Variants in ZFAT observed in about 807,000 individuals in gnomAD.
ZFAT encodes the protein zinc finger and AT-hook domain containing.
ZFAT carries 64 observed loss-of-function variants against 117.7 expected under a neutral mutation model. That is an observed-to-expected ratio of 0.54 (90% CI 0.44 to 0.67). The LOEUF (loss-of-function observed/expected upper bound fraction) is 0.67, where lower values mean the gene tolerates loss of function less well. ZFAT is among the 30% of genes least tolerant of loss of function. The pLI, the probability that ZFAT is intolerant of heterozygous loss-of-function variation, is 0.00. For missense variants in ZFAT, 1,433 were observed against 1,584.5 expected, an observed-to-expected ratio of 0.90 and a Z score of 1.62; for synonymous variants, 679 against 615.0, an observed-to-expected ratio of 1.10 and a Z score of -1.54.
upstream of ZFAT, among the ~76,000 whole-genome samples, chr8:134,715,956 G>A (rs1266620684): frequency 1.3e-5 from 2 of 152,008 alleles, no homozygotes; most frequent in Admixed American, 1.3e-4. Context: ...GATACATACA[G>A]GCGACCTCAA....
At chr8:134,514,722 A>T (rs1820123846) in intron 13 of ZFAT, among the ~76,000 whole-genome samples, 1 of 152,232 alleles carries the variant, frequency 6.6e-6, no homozygotes, top group Admixed American at 6.5e-5. Flanking sequence ...TTATAAAAAA[A>T]TTTTCAATAC....
chr8:134,824,285 A>G, the ZFAT span, among the ~76,000 whole-genome samples: 1 of 152,240 alleles, frequency 6.6e-6, no homozygotes, highest in African/African-American at 2.4e-5. Flanking sequence ...GTTTACATGG[A>G]AAGGAAAAAG....
At chr8:134,616,068 C>A (rs1828710317) in intron 3 of ZFAT, among the ~76,000 whole-genome samples, 1 of 152,126 alleles carries the variant, frequency 6.6e-6, no homozygotes, top group African/African-American at 2.4e-5. Flanking sequence ...GCATGGAGAC[C>A]CAGACGCCAC....
intron 1 of ZFAT, among the ~76,000 whole-genome samples, chr8:134,658,066 G>A (rs561356132): frequency 7.9e-5 from 12 of 152,316 alleles, no homozygotes; most frequent in South Asian, 6.2e-4. Flanking sequence ...GGCCGGGCGC[G>A]GTGGCGCACG....
chr8:134,712,130 C>T (rs112155230), intron 1 of ZFAT, among the ~76,000 whole-genome samples: 185 of 152,308 alleles, frequency 1.2e-3, no homozygotes, highest in African/African-American at 4.3e-3. Flanking sequence ...CAGGCGAGCA[C>T]GCAGGAGTTT....
At chr8:134,811,780 C>T in the ZFAT span, among the ~76,000 whole-genome samples, 1 of 152,200 alleles carries the variant, frequency 6.6e-6, no homozygotes, top group Non-Finnish European at 1.5e-5. Flanking sequence ...TACAGTCTGA[C>T]AGAACTAGGC....
At chr8:134,659,102 C>T (rs1831799606) in intron 1 of ZFAT, among the ~76,000 whole-genome samples, 1 of 152,210 alleles carries the variant, frequency 6.6e-6, no homozygotes, top group South Asian at 2.1e-4. Context: ...ACTTCTACGC[C>T]ATTTACTGCC....
chr8:134,611,412 G>A (rs756615881), intron 3 of ZFAT, among the ~76,000 whole-genome samples: 6 of 152,364 alleles, frequency 3.9e-5, no homozygotes, highest in South Asian at 2.1e-4. Context: ...CAAGTATCCC[G>A]TGTGGTGACA....
the ZFAT span, among the ~76,000 whole-genome samples, chr8:134,781,166 C>T: frequency 6.6e-6 from 1 of 152,058 alleles, no homozygotes; most frequent in African/African-American, 2.4e-5. Flanking sequence ...TGCTCTGTTG[C>T]CCAGGCTAGA....
intron 7 of ZFAT, 57 bp downstream of exon 7, chr8:134,600,379 T>G: frequency 2.0e-6 from 3 of 1,471,144 alleles, no homozygotes; most frequent in Non-Finnish European, 2.9e-6. Context: ...AGCATAAACT[T>G]GAGAAAGCAA....
At chr8:134,584,081 T>C (rs1825897541) in intron 9 of ZFAT, 76 bp from the exon 10 acceptor site, 1 of 1,393,366 alleles carries the variant, frequency 7.2e-7, no homozygotes, top group Non-Finnish European at 9.7e-7. Context: ...AAGGAATATA[T>C]ATATCCATAT....
upstream of ZFAT, among the ~76,000 whole-genome samples, chr8:134,717,112 TA>T (rs1199436777): frequency 6.6e-6 from 1 of 152,174 alleles, no homozygotes; most frequent in Non-Finnish European, 1.5e-5. Flanking sequence ...GCTGATAGAT[TA>T]AACTGCTATA....
At chr8:134,494,082 G>A (rs913942051) in intron 15 of ZFAT, among the ~76,000 whole-genome samples, 1 of 152,064 alleles carries the variant, frequency 6.6e-6, no homozygotes, top group Non-Finnish European at 1.5e-5. Context: ...TTAGTGCCAG[G>A]CCTGGCGTGG....
At chr8:134,595,872 C>T (rs1826889434) in intron 7 of ZFAT, among the ~76,000 whole-genome samples, 1 of 152,214 alleles carries the variant, frequency 6.6e-6, no homozygotes. Flanking sequence ...CCTGATGCAA[C>T]TGGAAAGAAC....
chr8:134,559,023 T>G (rs1023209382), intron 11 of ZFAT, among the ~76,000 whole-genome samples: 1 of 152,236 alleles, frequency 6.6e-6, no homozygotes, highest in Admixed American at 6.5e-5. Context: ...CTTCATAGGA[T>G]GGTATCATGG....
In ZFAT at chr8:134,620,774, T is replaced by C. The variant is rs1342316967; in HGVS notation, c.449-10119A>G. Among the ~76,000 whole-genome samples the C allele has an allele frequency of 3.9e-5, 6 of 152,184 alleles. No individual in the cohort carries two copies. In the East Asian group the frequency reaches 7.7e-4, roughly 20 times the overall value. The stretch of plus-strand genomic sequence containing the variant: ...AACACTTGTTTCAGAGAAAACCCGG[T>C]TGAGTCCCTGGGCCTAGGCAGGGTG... On this transcript the variant is annotated intron_variant, in intron 3 of 15. Transcript: ENST00000377838.
chr8:134,727,231 T>A, the ZFAT span, among the ~76,000 whole-genome samples: 3 of 152,120 alleles, frequency 2.0e-5, no homozygotes, highest in African/African-American at 7.2e-5. Context: ...GAAAGGTCTC[T>A]GCAAGTAGGC....
intron 1 of ZFAT, among the ~76,000 whole-genome samples, chr8:134,677,974 A>T (rs900208531): frequency 1.3e-5 from 2 of 152,210 alleles, no homozygotes; most frequent in Non-Finnish European, 2.9e-5. Context: ...ATTTATGACA[A>T]ACCCACAGCC....
intron 11 of ZFAT, among the ~76,000 whole-genome samples, chr8:134,557,087 G>A (rs1294777180): frequency 1.3e-5 from 2 of 152,088 alleles, no homozygotes; most frequent in Non-Finnish European, 2.9e-5. Flanking sequence ...AGTGTAGGAG[G>A]AGAGTAAATG....
Sources: allele counts gnomAD v4.1 joint callset (sites outside exome capture counted in the v4.1 genomes callset), GRCh38; gene constraint gnomAD v4.1.1; transcripts MANE v1.5; gene names NCBI Gene and HGNC (gene_info 2026-07-23, HGNC 2026-07-21).